The following PPARGC1B variants were observed in gnomAD, a reference collection of about 807,000 sequenced individuals.
The protein encoded by PPARGC1B is peroxisome proliferator-activated receptor gamma coactivator 1-beta.
In PPARGC1B, 34 loss-of-function variants were observed where a neutral mutation model predicts 101.6. The observed-to-expected ratio is 0.33, with a 90% CI of 0.25 to 0.45. The LOEUF is 0.45. Among genes scored for constraint, PPARGC1B ranks in the 20% least tolerant of loss-of-function variants. The pLI is 1.00. For missense variants in PPARGC1B, 1,234 were observed against 1,317.6 expected (o/e 0.94, Z 0.98); for synonymous variants, 548 against 539.3 (o/e 1.02, Z -0.22).
chr5:149,828,344 A>G (rs1758610188), intron 3 of PPARGC1B, among the ~76,000 whole-genome samples: 1 of 152,356 alleles, frequency 6.6e-6, no homozygotes, highest in Admixed American at 6.5e-5. Context: ...TCCCTTAGGC[A>G]TACATCCTGA....
chr5:149,806,942 A>G (rs1371979613), intron 1 of PPARGC1B, among the ~76,000 whole-genome samples: 1 of 150,992 alleles, frequency 6.6e-6, no homozygotes, highest in Non-Finnish European at 1.5e-5. Flanking sequence ...AATGTACCTA[A>G]CATAAAATTT....
chr5:149,809,231 CCATA>C (rs1403933620), intron 1 of PPARGC1B, among the ~76,000 whole-genome samples: 2 of 8,820 alleles, frequency 2.3e-4, no homozygotes, highest in African/African-American at 7.9e-4. Context: ...TCCATCTCTA[CCATA>C]GATAGATAGA....
intron 1 of PPARGC1B, among the ~76,000 whole-genome samples, chr5:149,784,613 G>C (rs1231210038): frequency 1.4e-5 from 2 of 141,704 alleles, no homozygotes; most frequent in Non-Finnish European, 3.0e-5. Flanking sequence ...TGTCGCCCAG[G>C]CTGGAGTGCA....
At chr5:149,732,808 G>C (rs1309034859) in intron 1 of PPARGC1B, 6 of 477,272 alleles carry the variant, frequency 1.3e-5, no homozygotes, top group Non-Finnish European at 2.2e-5. Context: ...TGCAGCCAGA[G>C]GGTGACAGAG....
At chr5:149,820,782 C>CG (rs1404692661) in intron 2 of PPARGC1B, among the ~76,000 whole-genome samples, 176 bp downstream of exon 2, 1 of 152,198 alleles carries the variant, frequency 6.6e-6, no homozygotes, top group Non-Finnish European at 1.5e-5. Flanking sequence ...TCTGGCGCAG[C>CG]GCACATGCCT....
In PPARGC1B at chr5:149,836,251, T is replaced by G; in HGVS notation, c.1808-12T>G. 1 of 1,536,208 alleles carries G rather than the reference T, an allele frequency of 6.5e-7. No homozygotes were observed. Among genetic ancestry groups the G allele is most frequent in the South Asian group, 1.3e-5 (1 of 78,874 alleles). On this transcript the variant is annotated splice_polypyrimidine_tract_variant and intron_variant, in intron 7 of 11. Transcript: ENST00000309241. ...CTGTCTTTATCTTACCTTTCTCCTC[T>G]TCCTCGGGCAGGACTCACCCCACCC...
chr5:149,745,434 C>T (rs945672833), intron 1 of PPARGC1B, among the ~76,000 whole-genome samples: 1 of 152,104 alleles, frequency 6.6e-6, no homozygotes, highest in East Asian at 1.9e-4. Flanking sequence ...TGAGAGTAGG[C>T]CCTTAAGCTT....
chr5:149,754,624 A>G (rs1755437341), intron 1 of PPARGC1B, among the ~76,000 whole-genome samples: 1 of 152,122 alleles, frequency 6.6e-6, no homozygotes, highest in African/African-American at 2.4e-5. Flanking sequence ...TCATCTGGTT[A>G]AACAGGTAGG....
At position 149,826,792 on chromosome 5, in the gene PPARGC1B, C is replaced by T. The variant is rs755023284; in HGVS notation, c.372C>T (p.Cys124=). 9.3e-6 allele frequency: 15 copies of T among 1,613,864 alleles called. No homozygotes were observed. Among genetic ancestry groups the T allele is most frequent in the Admixed American group, 1.7e-5 (1 of 59,990 alleles). The change falls in exon 3 of 12, where the codon TGC becomes TGT. Residue 124 remains cysteine (C), a synonymous_variant. Coordinates refer to ENST00000309241, the MANE Select transcript of PPARGC1B (RefSeq NM_133263.4). ...PALDGGDALS[C]TSASPAPSSA... Reference sequence around the variant, plus strand: ...TGGATGGTGGAGACGCTCTATCATGCACCTCAGCTTCGCCTGCCCCCTCAT... The same window carrying T: ...TGGATGGTGGAGACGCTCTATCATGTACCTCAGCTTCGCCTGCCCCCTCAT...
Position 149,730,551 on chromosome 5 carries a change from C to T in PPARGC1B, c.78+131C>T, listed in dbSNP as rs774212567. Reference sequence around the variant, plus strand: ...CTGGGGGTTCCAGGCTGCAGAGCCCCCCTTCCAGGCGCCCTGCGATGCGCT... The same window carrying T: ...CTGGGGGTTCCAGGCTGCAGAGCCCTCCTTCCAGGCGCCCTGCGATGCGCT... On this transcript the variant is annotated intron_variant, in intron 1 of 11. Coordinates refer to ENST00000309241, the MANE Select transcript of PPARGC1B (RefSeq NM_133263.4). The surrounding 1 kb of genome is among the most constrained non-coding windows in gnomAD (Gnocchi z 4.0). 111 of 634,470 alleles carry T rather than the reference C, an allele frequency of 1.7e-4. No individual in the cohort carries two copies. Among genetic ancestry groups the T allele is most frequent in the Non-Finnish European group, 1.5e-4 (59 of 393,768 alleles). 39.3% of individuals were successfully genotyped at this position (634,470 alleles called of 1,614,324 possible). A position where few individuals can be genotyped will look rare whatever the true frequency, so the allele number is the denominator to read the frequency against.
At chr5:149,846,299 G>C (rs1353385719) in intron 11 of PPARGC1B, 13 of 425,266 alleles carry the variant, frequency 3.1e-5, no homozygotes, top group Non-Finnish European at 5.4e-5. Context: ...CAGCCACCTG[G>C]GGACAAGATG....
chr5:149,833,528 G>C lies in PPARGC1B; in HGVS notation c.1455G>C (p.Glu485Asp), dbSNP rs2113404559. Residue 485 changes from glutamate to aspartate, a missense_variant, in exon 5 of 12, where the codon GAG becomes GAC. Transcript: ENST00000309241. The surrounding 1 kb of genome is among the most constrained non-coding windows in gnomAD (Gnocchi z 4.1). ...PVRRSRRLNP[E>D]LGPWLTFADE... is the part of the protein sequence containing the mutation. ...GGCGTTCTCGGAGACTGAACCCTGA[G>C]CTGGGCCCCTGGCTGACATTTGCAG... The C allele has an allele frequency of 1.3e-6, 2 of 1,571,156 alleles. No homozygotes were observed. Among genetic ancestry groups the C allele is most frequent in the East Asian group, 4.8e-5 (2 of 42,068 alleles).
intron 1 of PPARGC1B, among the ~76,000 whole-genome samples, chr5:149,733,096 G>A (rs1046297936): frequency 1.3e-5 from 2 of 152,164 alleles, no homozygotes; most frequent in Non-Finnish European, 2.9e-5. Context: ...AACTTTCCCT[G>A]ACCCTCCCCT....
intron 1 of PPARGC1B, among the ~76,000 whole-genome samples, chr5:149,747,897 C>A (rs1755146595): frequency 6.6e-6 from 1 of 152,128 alleles, no homozygotes; most frequent in African/African-American, 2.4e-5. Context: ...AGGCCCATCT[C>A]CTGAGAGGCT....
At chr5:149,783,142 G>A (rs1475231751) in intron 1 of PPARGC1B, among the ~76,000 whole-genome samples, 2 of 151,902 alleles carry the variant, frequency 1.3e-5, no homozygotes, top group Non-Finnish European at 2.9e-5. Flanking sequence ...CTTCACCCCT[G>A]GGCCACATTT....
chr5:149,834,203 A>G (rs1364008057), intron 5 of PPARGC1B, among the ~76,000 whole-genome samples: 2 of 152,252 alleles, frequency 1.3e-5, no homozygotes, highest in Non-Finnish European at 1.5e-5. Context: ...ACAGTTAGCC[A>G]CTGTATACTT....
At chr5:149,834,847 G>C (rs1029114424) in intron 6 of PPARGC1B, 137 bp downstream of exon 6, 4 of 748,684 alleles carry the variant, frequency 5.3e-6, no homozygotes, top group Admixed American at 2.5e-5. Flanking sequence ...TTGTCATCTG[G>C]GACCCTCAGG....
At chr5:149,839,098 T>G (rs993312073) in intron 8 of PPARGC1B, among the ~76,000 whole-genome samples, 6 of 152,182 alleles carry the variant, frequency 3.9e-5, no homozygotes, top group South Asian at 2.1e-4. Context: ...CCCCATTTTA[T>G]AGATGAGGAA....
At chr5:149,799,251 C>T (rs1757340499) in intron 1 of PPARGC1B, among the ~76,000 whole-genome samples, 1 of 152,178 alleles carries the variant, frequency 6.6e-6, no homozygotes, top group South Asian at 2.1e-4. Context: ...CCCAAATGGA[C>T]TGTCTGCTGG....
Sources: gnomAD v4.1 joint callset for allele counts (sites outside exome capture counted in the v4.1 genomes callset) on GRCh38, gnomAD v4.1.1 for gene constraint, Gnocchi (gnomAD v3.1) non-coding constraint, MANE v1.5 for transcripts, NCBI Gene and HGNC (gene_info 2026-07-23, HGNC 2026-07-21) for gene names.